The following DGKI variants were observed in gnomAD, a reference collection of about 807,000 sequenced individuals.
The protein encoded by DGKI is DAG kinase iota.
DGKI carries 55 observed loss-of-function variants against 147.5 expected under a neutral mutation model. That is an observed-to-expected ratio of 0.37 (90% CI 0.30 to 0.47). The LOEUF is 0.47. Among genes scored for constraint, DGKI ranks in the 20% least tolerant of loss-of-function variants. DGKI has a pLI of 1.00. For synonymous variants in DGKI, 469 were observed against 477.1 expected (o/e 0.98, Z 0.22); for missense variants, 1,007 against 1,323.8 (o/e 0.76, Z 3.71).
At chr7:137,840,874 G>C (rs1798524819) in intron 1 of DGKI, among the ~76,000 whole-genome samples, 1 of 152,224 alleles carries the variant, frequency 6.6e-6, no homozygotes, top group Non-Finnish European at 1.5e-5. Context: ...CAAATGATCA[G>C]GTGCAAGTTC....
At chr7:137,581,595 G>C (rs1308634099) in intron 15 of DGKI, among the ~76,000 whole-genome samples, 1 of 152,040 alleles carries the variant, frequency 6.6e-6, no homozygotes, top group African/African-American at 2.4e-5. Context: ...CACACATCTA[G>C]TCCTGCCCTT....
At chr7:137,613,459 G>A (rs1261914851) in intron 8 of DGKI, among the ~76,000 whole-genome samples, 1 of 152,032 alleles carries the variant, frequency 6.6e-6, no homozygotes, top group Non-Finnish European at 1.5e-5. Flanking sequence ...TACTAATGAA[G>A]CTTTAGAATT....
rs575561308 is a variant in DGKI at position 137,710,093 on chromosome 7, A to C, written c.402-20091T>G. Among the ~76,000 whole-genome samples, 130 of 152,238 alleles carry C rather than the reference A, an allele frequency of 8.5e-4. 1 individual carries two copies. The highest frequency in any genetic ancestry group is 2.3e-3 in the South Asian group (11 of 4,828). The stretch of plus-strand genomic sequence containing the variant: ...AAAAAGAACAGAGAGAATTGAAGAG[A>C]GAATTGGGTACAGACAATATTTAAA... On this transcript the variant is annotated intron_variant, in intron 1 of 32. Coordinates refer to ENST00000614521, the MANE Select transcript of DGKI (RefSeq NM_001321708.2).
intron 11 of DGKI, among the ~76,000 whole-genome samples, chr7:137,598,462 G>A (rs1819875230): frequency 6.6e-6 from 1 of 152,132 alleles, no homozygotes; most frequent in East Asian, 1.9e-4. Context: ...ATTCCATCTA[G>A]TCTTTCTCTC....
intron 21 of DGKI, among the ~76,000 whole-genome samples, chr7:137,503,097 T>C (rs981523438): frequency 6.6e-6 from 1 of 152,150 alleles, no homozygotes; most frequent in Non-Finnish European, 1.5e-5. Context: ...AGGCTCCCCA[T>C]TCCTCTCCTT....
At chr7:137,403,275 G>T (rs986761964) in intron 30 of DGKI, among the ~76,000 whole-genome samples, 1 of 152,190 alleles carries the variant, frequency 6.6e-6, no homozygotes, top group African/African-American at 2.4e-5. Context: ...AAAGCAGCAT[G>T]CTGTATAGAT....
intron 1 of DGKI, chr7:137,772,100 T>A (rs1053306063): frequency 6.6e-6 from 1 of 152,248 alleles, no homozygotes; most frequent in Non-Finnish European, 1.5e-5. Context: ...AGTGTCCTTC[T>A]TCATTCCCAA....
In DGKI at chr7:137,718,522, G is replaced by A. The variant is rs142481166; in HGVS notation, c.402-28520C>T. On this transcript the variant is annotated intron_variant, in intron 1 of 32. Coordinates refer to ENST00000614521, the MANE Select transcript of DGKI (RefSeq NM_001321708.2). ...TTTTCTGACTCAGGGCCACTCAAGC[G>A]CTTTCTCCTTGGATACGCAAGGCTC... Among the ~76,000 whole-genome samples the A allele has an allele frequency of 5.1e-4, 77 of 152,304 alleles. 1 individual carries two copies. The highest frequency in any genetic ancestry group is 1.6e-3 in the African/African-American group (68 of 41,576).
At chr7:137,737,204 CAAAAAAAAAAAA>C (rs763572711) in intron 1 of DGKI, among the ~76,000 whole-genome samples, 2 of 83,494 alleles carry the variant, frequency 2.4e-5, no homozygotes, top group Admixed American at 1.4e-4. Flanking sequence ...CTCATTTCAC[CAAAAAAAAAAAA>C]AAAAAAAAAA....
chr7:137,720,250 C>CTTTTTTTT (rs552382033), intron 1 of DGKI, among the ~76,000 whole-genome samples: 15 of 88,218 alleles, frequency 1.7e-4, no homozygotes, highest in South Asian at 4.9e-4. Flanking sequence ...TTGAAAAAAT[C>CTTTTTTTT]TTTTTTTTTT....
intron 1 of DGKI, among the ~76,000 whole-genome samples, chr7:137,800,987 T>C (rs1405678242): frequency 3.3e-5 from 5 of 152,234 alleles, no homozygotes; most frequent in African/African-American, 1.2e-4. Context: ...CCTTAGACAA[T>C]ATTCATCCCA....
rs527383055 is a variant in DGKI at position 137,423,216 on chromosome 7, G to A, written c.2762-11009C>T. Among the ~76,000 whole-genome samples, 357 of 152,308 alleles carry A rather than the reference G, an allele frequency of 2.3e-3. 3 individuals are homozygous for A. Among genetic ancestry groups the A allele is most frequent in the African/African-American group, 8.0e-3 (332 of 41,578 alleles). On this transcript the variant is annotated intron_variant, in intron 28 of 32. Transcript: ENST00000614521. ...TTTTCCCCACAAATGAGAGGAAGGT[G>A]CCATGTAAAAGAAAAGTGCTGCTGG...
In DGKI at chr7:137,382,975, T is replaced by A. The variant is rs944770291; in HGVS notation, c.*8245A>T. 1 of 151,892 alleles carries A rather than the reference T, an allele frequency of 6.6e-6. No individual in the cohort carries two copies. Among genetic ancestry groups the A allele is most frequent in the Non-Finnish European group, 1.5e-5 (1 of 67,918 alleles). 9.4% of individuals were successfully genotyped at this position (151,892 alleles called of 1,614,324 possible). ...TGACAGAAACATTAGTCTACTGATA[T>A]GGGGTTAAGTCTTGTTTCATGACAC... On this transcript the variant is annotated 3_prime_UTR_variant, in exon 33 of 33. Transcript: ENST00000614521.
intron 1 of DGKI, among the ~76,000 whole-genome samples, chr7:137,799,022 T>C (rs1212337242): frequency 6.6e-6 from 1 of 152,102 alleles, no homozygotes; most frequent in South Asian, 2.1e-4. Flanking sequence ...ATAAAGGACA[T>C]CTATTTTTTT....
chr7:137,544,619 T>C (rs1817807845), intron 20 of DGKI, among the ~76,000 whole-genome samples: 1 of 152,212 alleles, frequency 6.6e-6, no homozygotes, highest in Admixed American at 6.5e-5. Flanking sequence ...AGGAATTGCT[T>C]TGTCATACAT....
intron 1 of DGKI, among the ~76,000 whole-genome samples, chr7:137,718,456 G>A (rs1213668085): frequency 1.3e-5 from 2 of 152,168 alleles, no homozygotes. Flanking sequence ...CAGGGAGAAA[G>A]AGGCACTATT....
chr7:137,392,529 A>G (rs1811402578), intron 32 of DGKI, among the ~76,000 whole-genome samples: 7 of 152,248 alleles, frequency 4.6e-5, no homozygotes, highest in Admixed American at 3.9e-4. Flanking sequence ...CCCAACAGAT[A>G]CTGGCGACCT....
intron 30 of DGKI, among the ~76,000 whole-genome samples, chr7:137,405,807 C>T (rs1055998465): frequency 2.0e-5 from 3 of 152,146 alleles, no homozygotes; most frequent in Non-Finnish European, 2.9e-5. Context: ...CTTAGGTGTC[C>T]TGGCCTTCCA....
chr7:137,555,667 G>A (rs73728712), intron 19 of DGKI, among the ~76,000 whole-genome samples: 16,988 of 151,964 alleles, frequency 0.11, 2,165 homozygotes, highest in African/African-American at 0.31. Context: ...TATAACTTAC[G>A]AAGTTTGGTG....
Sources: allele counts gnomAD v4.1 joint callset (sites outside exome capture counted in the v4.1 genomes callset), GRCh38; gene constraint gnomAD v4.1.1; transcripts MANE v1.5; gene names NCBI Gene and HGNC (gene_info 2026-07-23, HGNC 2026-07-21).